RAB39A: variants seen among roughly 807,000 people sequenced by gnomAD.
The protein encoded by RAB39A is RAB39A, member RAS oncogene family.
Under a neutral mutation model 20.9 loss-of-function variants are expected in RAB39A, and 17 were observed. That is an observed-to-expected ratio of 0.81 (90% CI 0.56 to 1.22). RAB39A has a LOEUF of 1.22. Ranked by LOEUF, RAB39A falls within the 50% of genes most tolerant of loss-of-function variation. The pLI is 0.00. For synonymous variants in RAB39A, 99 were observed against 103.4 expected (o/e 0.96, Z 0.26); for missense variants, 234 against 270.5 (o/e 0.87, Z 0.95).
intron 1 of RAB39A, among the ~76,000 whole-genome samples, chr11:107,943,852 T>C (rs892571938): frequency 6.6e-6 from 1 of 152,060 alleles, no homozygotes; most frequent in African/African-American, 2.4e-5. Flanking sequence ...CCCAGCCCTT[T>C]GGGAGGCTGA....
chr11:107,933,502 C>G (rs1350712640), intron 1 of RAB39A, among the ~76,000 whole-genome samples: 3 of 149,858 alleles, frequency 2.0e-5, no homozygotes, highest in Non-Finnish European at 4.4e-5. Context: ...CCCTCAGCCT[C>G]CCGAGTAGCT....
intron 1 of RAB39A, among the ~76,000 whole-genome samples, chr11:107,961,021 G>A (rs903651862): frequency 3.9e-5 from 6 of 152,104 alleles, no homozygotes; most frequent in South Asian, 2.1e-4. Flanking sequence ...ACAGAGAATC[G>A]TTAGCACACC....
chr11:107,939,526 C>T (rs1467483798), intron 1 of RAB39A, among the ~76,000 whole-genome samples: 4 of 149,210 alleles, frequency 2.7e-5, no homozygotes, highest in Non-Finnish European at 5.9e-5. Context: ...AGGAGAATGG[C>T]GTGAACCCGG....
At chr11:107,936,066 G>T (rs1412188858) in intron 1 of RAB39A, among the ~76,000 whole-genome samples, 5 of 151,752 alleles carry the variant, frequency 3.3e-5, no homozygotes, top group African/African-American at 9.7e-5. Context: ...TACTCAGCTA[G>T]TTTTTGTATT....
intron 1 of RAB39A, among the ~76,000 whole-genome samples, chr11:107,936,823 G>A (rs1189647577): frequency 1.3e-5 from 2 of 152,056 alleles, no homozygotes; most frequent in Non-Finnish European, 2.9e-5. Context: ...CTACTTGGGA[G>A]GCTGAGGCAG....
chr11:107,953,735 C>T (rs956330802), intron 1 of RAB39A, among the ~76,000 whole-genome samples: 3 of 152,172 alleles, frequency 2.0e-5, no homozygotes, highest in African/African-American at 7.2e-5. Flanking sequence ...CCCTTTGCTT[C>T]CCACACCACA....
chr11:107,928,713 T>G lies in RAB39A; in HGVS notation c.145T>G (p.Phe49Val). The G allele has an allele frequency of 6.2e-7, 1 of 1,611,046 alleles. No individual in the cohort carries two copies. The highest frequency in any genetic ancestry group is 8.5e-7 in the Non-Finnish European group (1 of 1,178,472). Residue 49 changes from phenylalanine to valine, a missense_variant, in exon 1 of 2, where the codon TTC (phenylalanine) becomes GTC (valine). Physicochemically the swap from Phe to Val is conservative, Grantham distance 50. Coordinates refer to ENST00000320578, the MANE Select transcript of RAB39A (RefSeq NM_017516.3). The surrounding 1 kb of genome is among the most constrained non-coding windows in gnomAD (Gnocchi z 4.9). Reference protein sequence around the residue: ...PACDPTVGVDFFSRLLEIEPG... With the variant: ...PACDPTVGVDVFSRLLEIEPG... Reference sequence around the variant, plus strand: ...CTGCGACCCCACCGTCGGCGTGGACTTCTTCTCCCGCCTGCTGGAGATCGA... The same window carrying G: ...CTGCGACCCCACCGTCGGCGTGGACGTCTTCTCCCGCCTGCTGGAGATCGA...
chr11:107,934,519 A>G (rs1048316172), intron 1 of RAB39A, among the ~76,000 whole-genome samples: 1 of 152,226 alleles, frequency 6.6e-6, no homozygotes, highest in Admixed American at 6.5e-5. Flanking sequence ...TTGCCTTAGC[A>G]TATTCTTTGA....
Position 107,963,416 on chromosome 11 carries a change from G to A in RAB39A, c.*1044G>A, listed in dbSNP as rs1182262597. ...TGTTACGGTGTACTGTTCGTATTTA[G>A]ACAAGAAGAACAAAATTTATTTATG... On this transcript the variant is annotated 3_prime_UTR_variant, in exon 2 of 2. Transcript: ENST00000320578. 2 of 152,086 alleles carry A rather than the reference G, an allele frequency of 1.3e-5. No homozygotes were observed. Among genetic ancestry groups the A allele is most frequent in the Admixed American group, 6.6e-5 (1 of 15,248 alleles). 9.4% of individuals were successfully genotyped at this position (152,086 alleles called of 1,614,324 possible).
intron 1 of RAB39A, among the ~76,000 whole-genome samples, chr11:107,937,231 C>T (rs1349044084): frequency 6.6e-6 from 1 of 151,602 alleles, no homozygotes; most frequent in African/African-American, 2.4e-5. Context: ...AACTCTTGGG[C>T]TCCAGTGATC....
chr11:107,947,807 C>CAA (rs35694249), intron 1 of RAB39A, among the ~76,000 whole-genome samples: 5,985 of 79,760 alleles, frequency 0.075, 645 homozygotes, highest in African/African-American at 0.1. Flanking sequence ...CATCAACAGG[C>CAA]AAAAAAAAAA....
At chr11:107,934,698 G>A (rs1359540716) in intron 1 of RAB39A, among the ~76,000 whole-genome samples, 2 of 151,774 alleles carry the variant, frequency 1.3e-5, no homozygotes, top group South Asian at 2.1e-4. Context: ...AGGCCAAGGC[G>A]AGTGGATCAC....
Position 107,928,489 on chromosome 11 carries a change from G to T in RAB39A, c.-80G>T. 1.8e-6 allele frequency: 2 copies of T among 1,099,842 alleles called. No individual in the cohort carries two copies. 68.1% of individuals were successfully genotyped at this position (1,099,842 alleles called of 1,614,324 possible). ...TGGAAGGCGGCGGGCGGGCGCCCGC[G>T]AGGTGCTGAAAGGACAGTTCCCGCC... On this transcript the variant is annotated 5_prime_UTR_variant, in exon 1 of 2. Coordinates refer to ENST00000320578, the MANE Select transcript of RAB39A (RefSeq NM_017516.3). The surrounding 1 kb of genome is among the most constrained non-coding windows in gnomAD (Gnocchi z 4.9).
At chr11:107,943,968 G>C (rs1861284209) in intron 1 of RAB39A, among the ~76,000 whole-genome samples, 1 of 152,014 alleles carries the variant, frequency 6.6e-6, no homozygotes, top group Non-Finnish European at 1.5e-5. Flanking sequence ...GGTGGCAGTT[G>C]CCTGTAGTCC....
chr11:107,951,737 G>A (rs111665943), intron 1 of RAB39A, among the ~76,000 whole-genome samples: 91 of 147,950 alleles, frequency 6.2e-4, no homozygotes, highest in Admixed American at 8.5e-4. Context: ...CTGCCACCTC[G>A]GACTCCCAAA....
chr11:107,948,119 G>C (rs1861337553), intron 1 of RAB39A, among the ~76,000 whole-genome samples: 1 of 152,066 alleles, frequency 6.6e-6, no homozygotes, highest in East Asian at 1.9e-4. Context: ...CGTGTGTGCT[G>C]CAGATACCAA....
intron 1 of RAB39A, among the ~76,000 whole-genome samples, chr11:107,946,460 A>ATTTT: frequency 7.0e-4 from 11 of 15,756 alleles, no homozygotes; most frequent in African/African-American, 9.3e-4. Context: ...ATATATATAT[A>ATTTT]TTTTTTTTTT....
chr11:107,963,076 T>C lies in RAB39A; in HGVS notation c.*704T>C, dbSNP rs1166774879. ...ACCAAATGTTTGAAATGTTGCTTTTTTTTTTTGAGACAGGGTCTTGTTTTG... is the reference window on the plus strand; with the variant it reads ...ACCAAATGTTTGAAATGTTGCTTTTCTTTTTTGAGACAGGGTCTTGTTTTG... On this transcript the variant is annotated 3_prime_UTR_variant, in exon 2 of 2. Transcript: ENST00000320578. 6.6e-6 allele frequency: 1 copy of C among 152,152 alleles called. No individual in the cohort carries two copies. Among genetic ancestry groups the C allele is most frequent in the Non-Finnish European group, 1.5e-5 (1 of 68,032 alleles). 9.4% of individuals were successfully genotyped at this position (152,152 alleles called of 1,614,324 possible).
At chr11:107,934,238 G>A (rs998021917) in intron 1 of RAB39A, among the ~76,000 whole-genome samples, 2 of 152,034 alleles carry the variant, frequency 1.3e-5, no homozygotes, top group African/African-American at 2.4e-5. Flanking sequence ...GACCAGCCTA[G>A]ACAACAAATC....
Sources: allele counts gnomAD v4.1 joint callset (sites outside exome capture counted in the v4.1 genomes callset), GRCh38; gene constraint gnomAD v4.1.1; non-coding constraint Gnocchi (gnomAD v3.1); transcripts MANE v1.5; gene names NCBI Gene and HGNC (gene_info 2026-07-23, HGNC 2026-07-21).